Variants in FARS2 observed in about 807,000 individuals in gnomAD.
FARS2 encodes phenylalanyl-tRNA synthetase 2, mitochondrial.
FARS2 carries 40 observed loss-of-function variants against 46.4 expected under a neutral mutation model. The ratio of observed to expected loss-of-function variants is 0.86; its 90% CI spans 0.67 to 1.12. The LOEUF (loss-of-function observed/expected upper bound fraction) is 1.12, where lower values mean the gene tolerates loss of function less well. Among genes scored for constraint, FARS2 ranks in the 50% most tolerant of loss-of-function variants. The pLI, the probability that FARS2 is intolerant of heterozygous loss-of-function variation, is 0.00. For missense variants in FARS2, 513 were observed against 567.9 expected (o/e 0.90, Z 0.98); for synonymous variants, 234 against 214.9 (o/e 1.09, Z -0.78).
At chr6:5,375,568 A>C (rs1027351550) in intron 2 of FARS2, among the ~76,000 whole-genome samples, 6 of 152,078 alleles carry the variant, frequency 3.9e-5, no homozygotes, top group African/African-American at 9.7e-5. Context: ...TAATCTTAAA[A>C]TTTATAGAAA....
chr6:5,438,355 C>T (rs1582105843), intron 4 of FARS2, among the ~76,000 whole-genome samples: 1 of 148,888 alleles, frequency 6.7e-6, no homozygotes, highest in Non-Finnish European at 1.5e-5. Flanking sequence ...CCAGGAGACC[C>T]TGAGACTCTG....
At chr6:5,757,815 G>A (rs78289029) in intron 6 of FARS2, among the ~76,000 whole-genome samples, 1,870 of 152,274 alleles carry the variant, frequency 0.012, 45 homozygotes, top group African/African-American at 0.042. Flanking sequence ...TCTGGAAGCC[G>A]CATAACTTTA....
rs148696060 is a variant in FARS2 at position 5,506,578 on chromosome 6, C to T, written c.905-38602C>T. ...AGAAGCTTCCCTGGTTTGTCTCTAG[C>T]ACCTCCCACCACTGCCTAAGATTCC... On this transcript the variant is annotated intron_variant, in intron 4 of 6. Transcript: ENST00000274680. Among the ~76,000 whole-genome samples the T allele has an allele frequency of 4.7e-3, 710 of 152,292 alleles. 9 individuals carry two copies. Among genetic ancestry groups the T allele is most frequent in the African/African-American group, 0.016 (677 of 41,560 alleles).
intron 4 of FARS2, among the ~76,000 whole-genome samples, chr6:5,527,993 G>A (rs1012300719): frequency 5.9e-5 from 9 of 152,150 alleles, no homozygotes; most frequent in Non-Finnish European, 1.0e-4. Flanking sequence ...TGAGTCCTTG[G>A]TAGATCATAT....
chr6:5,757,895 T>G (rs1762290533), intron 6 of FARS2, among the ~76,000 whole-genome samples: 1 of 152,236 alleles, frequency 6.6e-6, no homozygotes, highest in Non-Finnish European at 1.5e-5. Flanking sequence ...ACCAACACTG[T>G]GTGATGGCAA....
rs138618856 is a variant in FARS2 at position 5,448,659 on chromosome 6, CTA to C, written c.904+17489_904+17490del. Among the ~76,000 whole-genome samples the C allele has an allele frequency of 1.7e-4, 26 of 152,302 alleles. 1 individual carries two copies. The East Asian group carries it at 5.0e-3, about 29-fold the overall frequency. ...TTAAAAACAATGTTTCAGTGAATAA[CTA>C]TGTACATGTGTCACATTTTGCGTGC... On this transcript the variant is annotated intron_variant, in intron 4 of 6. Transcript: ENST00000274680.
At chr6:5,446,907 A>G (rs567472975) in intron 4 of FARS2, among the ~76,000 whole-genome samples, 3 of 152,066 alleles carry the variant, frequency 2.0e-5, no homozygotes, top group Admixed American at 2.0e-4. Context: ...AGGGAGGGAG[A>G]GGCGGCACTG....
chr6:5,732,084 A>C (rs1760664819), intron 6 of FARS2, among the ~76,000 whole-genome samples: 1 of 152,188 alleles, frequency 6.6e-6, no homozygotes, highest in Non-Finnish European at 1.5e-5. Context: ...TGTTCTTCTT[A>C]TGTGAGTGTC....
At chr6:5,541,263 A>G (rs1770615201) in intron 4 of FARS2, among the ~76,000 whole-genome samples, 1 of 152,198 alleles carries the variant, frequency 6.6e-6, no homozygotes, top group African/African-American at 2.4e-5. Flanking sequence ...CCGTTGAGAA[A>G]CTTACAGCAA....
At chr6:5,455,804 C>T (rs1213611818) in intron 4 of FARS2, among the ~76,000 whole-genome samples, 1 of 152,150 alleles carries the variant, frequency 6.6e-6, no homozygotes, top group Non-Finnish European at 1.5e-5. Context: ...CTAGAGGAAT[C>T]CTTTGACATC....
chr6:5,723,185 G>C (rs1760021914), intron 6 of FARS2, among the ~76,000 whole-genome samples: 1 of 152,186 alleles, frequency 6.6e-6, no homozygotes, highest in Admixed American at 6.5e-5. Context: ...CCACTCGCGA[G>C]TGTGTCGGGA....
At chr6:5,367,521 A>G (rs1450061316) in intron 1 of FARS2, among the ~76,000 whole-genome samples, 1 of 151,836 alleles carries the variant, frequency 6.6e-6, no homozygotes, top group Non-Finnish European at 1.5e-5. Context: ...TGTCTTATTG[A>G]ACTCTTTCAA....
intron 5 of FARS2, among the ~76,000 whole-genome samples, chr6:5,563,532 G>C (rs1452834362): frequency 6.6e-6 from 1 of 152,166 alleles, no homozygotes; most frequent in Non-Finnish European, 1.5e-5. Flanking sequence ...CCCCTGTGGA[G>C]ATGCCACACT....
chr6:5,450,913 G>GA (rs1348087303), intron 4 of FARS2, among the ~76,000 whole-genome samples: 6 of 152,122 alleles, frequency 3.9e-5, no homozygotes, highest in Non-Finnish European at 8.8e-5. Flanking sequence ...GATTCTCCAT[G>GA]AAGGTATTCA....
intron 6 of FARS2, among the ~76,000 whole-genome samples, chr6:5,657,539 G>A (rs1231600562): frequency 1.3e-5 from 2 of 152,208 alleles, no homozygotes; most frequent in Non-Finnish European, 2.9e-5. Flanking sequence ...CGGGAAGGCA[G>A]TGACTATGAA....
At chr6:5,518,014 A>G (rs913283342) in intron 4 of FARS2, among the ~76,000 whole-genome samples, 1 of 152,170 alleles carries the variant, frequency 6.6e-6, no homozygotes, top group African/African-American at 2.4e-5. Flanking sequence ...GCTGTTCTCT[A>G]AGCAGATTCA....
intron 4 of FARS2, among the ~76,000 whole-genome samples, chr6:5,506,656 C>T (rs1768118001): frequency 6.6e-6 from 1 of 152,170 alleles, no homozygotes; most frequent in Non-Finnish European, 1.5e-5. Flanking sequence ...CATAACATTA[C>T]ACGAAGATGC....
At chr6:5,404,876 T>A (rs1761474896) in intron 3 of FARS2, among the ~76,000 whole-genome samples, 175 bp downstream of exon 3, 1 of 151,150 alleles carries the variant, frequency 6.6e-6, no homozygotes, top group Non-Finnish European at 1.5e-5. Context: ...CTCGGCTCAC[T>A]GCAACCTCCA....
intron 6 of FARS2, among the ~76,000 whole-genome samples, chr6:5,657,132 G>C (rs1455015417): frequency 4.6e-5 from 7 of 151,890 alleles, no homozygotes; most frequent in South Asian, 2.1e-4. Context: ...ATATATAAAG[G>C]CCTTGTGAAT....
Sources: gnomAD v4.1 joint callset for allele counts (sites outside exome capture counted in the v4.1 genomes callset) on GRCh38, gnomAD v4.1.1 for gene constraint, MANE v1.5 for transcripts, NCBI Gene and HGNC (gene_info 2026-07-23, HGNC 2026-07-21) for gene names.